PAN3: variants seen among roughly 807,000 people sequenced by gnomAD.
PAN3 encodes PAN2-PAN3 deadenylation complex subunit PAN3.
In PAN3, 19 loss-of-function variants were observed where a neutral mutation model predicts 96.2. That is an observed-to-expected ratio of 0.20 (90% CI 0.14 to 0.29). The LOEUF (loss-of-function observed/expected upper bound fraction) is 0.29. Ranked by LOEUF, PAN3 falls within the 10% of genes least tolerant of loss-of-function variation. The pLI is 1.00. For missense variants in PAN3, 882 were observed against 1,108.1 expected, an observed-to-expected ratio of 0.80 and a Z score of 2.90; for synonymous variants, 433 against 406.6, an observed-to-expected ratio of 1.06 and a Z score of -0.78.
At chr13:28,147,042 T>C (rs1870753237) in intron 1 of PAN3, among the ~76,000 whole-genome samples, 1 of 152,192 alleles carries the variant, frequency 6.6e-6, no homozygotes, top group Admixed American at 6.5e-5. Flanking sequence ...GTTACAGTTT[T>C]ATGTGATCAC....
intron 8 of PAN3, among the ~76,000 whole-genome samples, chr13:28,261,181 A>C (rs1038304344): frequency 1.3e-5 from 2 of 152,244 alleles, no homozygotes; most frequent in Non-Finnish European, 2.9e-5. Flanking sequence ...TAAGGGGCAC[A>C]TCTACTTAAA....
chr13:28,255,275 C>G (rs1457522765), intron 6 of PAN3, among the ~76,000 whole-genome samples: 3 of 151,952 alleles, frequency 2.0e-5, no homozygotes, highest in African/African-American at 2.4e-5. Context: ...CTCTAAATAC[C>G]CTTTTCAGTC....
At chr13:28,215,989 A>G in intron 5 of PAN3, 1 of 735,910 alleles carries the variant, frequency 1.4e-6, no homozygotes, top group East Asian at 2.5e-5. Flanking sequence ...TTAAGTTAAT[A>G]GTAAAAGACT....
chr13:28,281,301 A>T lies in PAN3; in HGVS notation c.2320-14A>T. The T allele has an allele frequency of 6.2e-7, 1 of 1,602,790 alleles. No individual in the cohort carries two copies. Among genetic ancestry groups the T allele is most frequent in the Non-Finnish European group, 8.5e-7 (1 of 1,173,456 alleles). On this transcript the variant is annotated splice_polypyrimidine_tract_variant and intron_variant, in intron 16 of 18. Coordinates refer to ENST00000380958, the MANE Select transcript of PAN3 (RefSeq NM_175854.8). ...GGAACATTAACATTTTTCTCTTTTT[A>T]AAATGTTTTATAGGAGGTTCAAAAT...
intron 7 of PAN3, among the ~76,000 whole-genome samples, chr13:28,259,104 C>A (rs1212642899): frequency 6.6e-6 from 1 of 151,676 alleles, no homozygotes; most frequent in Non-Finnish European, 1.5e-5. Flanking sequence ...TTTACTGTAT[C>A]TGAAGAAATG....
At chr13:28,183,854 A>G (rs752999712) in intron 4 of PAN3, among the ~76,000 whole-genome samples, 1 of 152,192 alleles carries the variant, frequency 6.6e-6, no homozygotes, top group African/African-American at 2.4e-5. Flanking sequence ...ACTAAATGGG[A>G]CATGTTGCCT....
At chr13:28,229,375 T>A (rs556169911) in intron 6 of PAN3, among the ~76,000 whole-genome samples, 1 of 152,348 alleles carries the variant, frequency 6.6e-6, no homozygotes, top group African/African-American at 2.4e-5. Context: ...GTCAGAACTT[T>A]ATATTTTCCA....
Position 28,138,954 on chromosome 13 carries a change from G to A in PAN3, c.297G>A (p.Pro99=). 2 of 1,310,406 alleles carry A rather than the reference G, an allele frequency of 1.5e-6. No homozygotes were observed. Among genetic ancestry groups the A allele is most frequent in the South Asian group, 2.3e-5 (1 of 43,866 alleles). 81.2% of individuals were successfully genotyped at this position (1,310,406 alleles called of 1,614,324 possible). A position where few individuals can be genotyped will look rare whatever the true frequency, so the allele number is the denominator to read the frequency against. Residue 99 remains proline, a synonymous_variant, in exon 1 of 19, where the codon CCG becomes CCA. Transcript: ENST00000380958. The part of the protein sequence containing the change: ...ALAGAPVAGF[P]PGAVAGGGAG... ...CTGGTGCACCCGTGGCCGGCTTTCC[G>A]CCGGGAGCCGTCGCGGGCGGGGGAG... is the stretch of plus-strand genomic sequence containing the variant.
At position 28,139,017 on chromosome 13, in the gene PAN3, G is replaced by T. The variant is rs905477656; in HGVS notation, c.360G>T (p.Gly120=). ...CCGGGCCCAAGAAGCCGGACCTGGGGGACCCGGGGACCGGAGCCGCAGCCG... is the reference window on the plus strand; with the variant it reads ...CCGGGCCCAAGAAGCCGGACCTGGGTGACCCGGGGACCGGAGCCGCAGCCG... ...PPPGPKKPDL[G]DPGTGAAAGG... Residue 120 remains glycine, a synonymous_variant, in exon 1 of 19, where the codon GGG becomes GGT. Transcript: ENST00000380958. The T allele has an allele frequency of 1.3e-5, 16 of 1,275,358 alleles. 1 individual carries two copies. In the African/African-American group the frequency reaches 2.5e-4, roughly 20 times the overall value. The allele number at this position is 1,275,358 out of a possible 1,614,324, so 79.0% of individuals were successfully genotyped here.
chr13:28,196,842 G>A (rs1394488834), intron 4 of PAN3, among the ~76,000 whole-genome samples: 1 of 152,192 alleles, frequency 6.6e-6, no homozygotes, highest in East Asian at 1.9e-4. Context: ...GAATAGGTAA[G>A]TGACAGTAGA....
At chr13:28,217,513 C>T (rs973517852) in intron 5 of PAN3, among the ~76,000 whole-genome samples, 1 of 151,406 alleles carries the variant, frequency 6.6e-6, no homozygotes, top group South Asian at 2.1e-4. Flanking sequence ...ACCTGCGAGG[C>T]GGAAGTTGCA....
intron 1 of PAN3, among the ~76,000 whole-genome samples, chr13:28,146,809 C>G (rs748634828): frequency 7.9e-5 from 12 of 151,980 alleles, no homozygotes; most frequent in Admixed American, 3.3e-4. Flanking sequence ...AAGCCTGTCT[C>G]CTAAAAATAC....
intron 4 of PAN3, among the ~76,000 whole-genome samples, chr13:28,180,411 G>A (rs1875618469): frequency 6.6e-6 from 1 of 152,154 alleles, no homozygotes; most frequent in Non-Finnish European, 1.5e-5. Context: ...TTTTAAAATT[G>A]TTAATGGTTG....
chr13:28,271,794 A>T (rs1382888452), intron 13 of PAN3, among the ~76,000 whole-genome samples, 187 bp from the exon 14 acceptor site: 1 of 152,130 alleles, frequency 6.6e-6, no homozygotes, highest in Non-Finnish European at 1.5e-5. Context: ...ATATCACTTG[A>T]TATCTCTGAG....
intron 16 of PAN3, 128 bp downstream of exon 16, chr13:28,280,669 C>T: frequency 1.2e-6 from 1 of 821,310 alleles, no homozygotes; most frequent in Non-Finnish European, 1.8e-6. Flanking sequence ...TCAAGCGAGT[C>T]TCCTGCCTCA....
chr13:28,186,516 T>TA (rs1326177157), intron 4 of PAN3, among the ~76,000 whole-genome samples: 4 of 152,102 alleles, frequency 2.6e-5, no homozygotes, highest in Non-Finnish European at 4.4e-5. Flanking sequence ...TAGTTATTGT[T>TA]ATAGTCTCCT....
At chr13:28,281,281 A>AT (rs960610914) in intron 16 of PAN3, 34 bp from the exon 17 acceptor site, 2 of 1,567,808 alleles carry the variant, frequency 1.3e-6, no homozygotes, top group African/African-American at 2.7e-5. Context: ...TATCTGGAAC[A>AT]TTAACATTTT....
At chr13:28,199,328 T>G (rs967789362) in intron 5 of PAN3, among the ~76,000 whole-genome samples, 1 of 152,178 alleles carries the variant, frequency 6.6e-6, no homozygotes, top group Non-Finnish European at 1.5e-5. Context: ...AGGTACTTTT[T>G]TTTTTAGAAT....
chr13:28,177,197 A>G (rs1285456207), intron 3 of PAN3, among the ~76,000 whole-genome samples: 1 of 152,222 alleles, frequency 6.6e-6, no homozygotes, highest in African/African-American at 2.4e-5. Flanking sequence ...TCATTTGTAA[A>G]GTGAGAAATA....
Sources: allele counts gnomAD v4.1 joint callset (sites outside exome capture counted in the v4.1 genomes callset), GRCh38; gene constraint gnomAD v4.1.1; transcripts MANE v1.5; gene names NCBI Gene and HGNC (gene_info 2026-07-23, HGNC 2026-07-21).